The following TRIM36 variants were observed in gnomAD, a reference collection of about 807,000 sequenced individuals.
TRIM36 encodes E3 ubiquitin-protein ligase TRIM36.
A neutral mutation model predicts 72.4 loss-of-function variants in TRIM36; 42 were observed. The ratio of observed to expected loss-of-function variants is 0.58; its 90% CI spans 0.45 to 0.75. The LOEUF is 0.75. Ranked by LOEUF, TRIM36 falls within the 30% of genes least tolerant of loss-of-function variation. TRIM36 has a pLI of 0.00. For missense variants in TRIM36, 913 were observed against 857.1 expected (o/e 1.07, Z -0.81); for synonymous variants, 315 against 282.8 (o/e 1.11, Z -1.14).
At chr5:115,144,991 C>T (rs1217016000) in intron 3 of TRIM36, among the ~76,000 whole-genome samples, 1 of 152,102 alleles carries the variant, frequency 6.6e-6, no homozygotes, top group Admixed American at 6.6e-5. Context: ...TCTGAACATG[C>T]CTGATCTCGT....
chr5:115,135,348 A>G (rs1259853785), intron 7 of TRIM36, among the ~76,000 whole-genome samples: 1 of 152,192 alleles, frequency 6.6e-6, no homozygotes, highest in Non-Finnish European at 1.5e-5. Context: ...ACTGAATGTT[A>G]TGCAGCCATA....
intron 4 of TRIM36, 144 bp downstream of exon 4, chr5:115,144,454 A>G (rs1177694865): frequency 1.7e-5 from 16 of 966,670 alleles, no homozygotes; most frequent in African/African-American, 5.0e-5. Flanking sequence ...TAACAACCTA[A>G]TATTAGTAGA....
In TRIM36 at chr5:115,137,153, T is replaced by C. The variant is rs778713686; in HGVS notation, c.1086-29A>G. On this transcript the variant is annotated intron_variant, in intron 6 of 9. Coordinates refer to ENST00000513154, the MANE Select transcript of TRIM36 (RefSeq NM_001300759.2). ...CAGACAGATATTTTATATAAAAATGTTTCTTTAAGAAGTCAAATCAGACTA... is the reference window on the plus strand; with the variant it reads ...CAGACAGATATTTTATATAAAAATGCTTCTTTAAGAAGTCAAATCAGACTA... The C allele has an allele frequency of 1.0e-5, 16 of 1,547,262 alleles. No individual in the cohort carries two copies. The African/African-American group carries it at 1.4e-4, about 13-fold the overall frequency.
In TRIM36 at chr5:115,126,628, G is replaced by T. The variant is rs142451940; in HGVS notation, c.2026C>A (p.Leu676Ile). The T allele has an allele frequency of 5.0e-5, 80 of 1,614,026 alleles. No individual in the cohort carries two copies. In the African/African-American group the frequency reaches 1.0e-3, roughly 20 times the overall value. ...GAACAGTCCACTTGGCGTTCATAAA[G>T]GCATTTCATCTGATCCATATCATAG... The part of the protein sequence containing the change: ...DFYDMDQMKC[L>I]YERQVDCSHT... The change falls in exon 10 of 10, where the codon CTT (leucine) becomes ATT (isoleucine). Residue 676 changes from leucine to isoleucine, a missense_variant. Transcript: ENST00000513154.
chr5:115,164,479 T>G (rs1419763635), intron 1 of TRIM36, among the ~76,000 whole-genome samples: 1 of 152,196 alleles, frequency 6.6e-6, no homozygotes, highest in African/African-American at 2.4e-5. Context: ...CTTACAATCA[T>G]GGCAGAAGGG....
In TRIM36 at chr5:115,133,275, G is replaced by A. The variant is rs182370426; in HGVS notation, c.1498+585C>T. Among the ~76,000 whole-genome samples the A allele has an allele frequency of 3.0e-3, 456 of 152,226 alleles. 1 individual carries two copies. The highest frequency in any genetic ancestry group is 4.0e-3 in the Non-Finnish European group (274 of 68,018). ...TCACATTCTATAAAAATCTTTAGGC[G>A]CTCTATATGTAGTATCAGTGGTTTT... On this transcript the variant is annotated intron_variant, in intron 8 of 9. Coordinates refer to ENST00000513154, the MANE Select transcript of TRIM36 (RefSeq NM_001300759.2).
rs145387983 is a variant in TRIM36, at chr5:115,158,517, G to C, written c.262+5001C>G. ...TTGCATCCTCTCCCGTATTCTGGCT[G>C]CGACTTCCCCATCGCTATCCCTGGA... On this transcript the variant is annotated intron_variant, in intron 2 of 9. Transcript: ENST00000513154. Among the ~76,000 whole-genome samples, 681 of 152,334 alleles carry C rather than the reference G, an allele frequency of 4.5e-3. 6 individuals are homozygous for C. Among genetic ancestry groups the C allele is most frequent in the African/African-American group, 0.015 (636 of 41,576 alleles).
At chr5:115,156,422 T>C (rs188204226) in intron 2 of TRIM36, among the ~76,000 whole-genome samples, 4 of 152,296 alleles carry the variant, frequency 2.6e-5, no homozygotes, top group Admixed American at 2.0e-4. Context: ...AACTATACTG[T>C]AAGGCCATAG....
chr5:115,154,211 C>G (rs1030835754), intron 2 of TRIM36, among the ~76,000 whole-genome samples: 4 of 151,330 alleles, frequency 2.6e-5, no homozygotes, highest in African/African-American at 9.7e-5. Flanking sequence ...GTTCACAGCC[C>G]TAAACGCCTA....
At chr5:115,163,853 A>G in intron 1 of TRIM36, 101 bp from the exon 2 acceptor site, 1 of 969,424 alleles carries the variant, frequency 1.0e-6, no homozygotes, top group Admixed American at 2.8e-5. Context: ...TTCCAAAAAG[A>G]ATTAAGAAAA....
At chr5:115,142,373 C>T (rs984555263) in intron 4 of TRIM36, among the ~76,000 whole-genome samples, 6 of 152,144 alleles carry the variant, frequency 3.9e-5, no homozygotes, top group African/African-American at 1.4e-4. Flanking sequence ...AGTGGTGGTA[C>T]TCTTTTTTAA....
chr5:115,133,314 G>GT (rs1752789623), intron 8 of TRIM36, among the ~76,000 whole-genome samples: 2 of 152,168 alleles, frequency 1.3e-5, no homozygotes, highest in Non-Finnish European at 2.9e-5. Context: ...CTTGGGAAGG[G>GT]AGGGGGCGAT....
At chr5:115,171,285 C>T (rs1755107058), upstream of TRIM36, 2 of 1,596,102 alleles carry the variant, frequency 1.3e-6, no homozygotes, top group Non-Finnish European at 8.6e-7. Context: ...TAATGGAATA[C>T]CCTCCATTTA....
At chr5:115,177,564 G>T in intron 1 of TRIM36, 2 of 1,421,254 alleles carry the variant, frequency 1.4e-6, no homozygotes, top group South Asian at 1.5e-5. Context: ...AATATTCAGT[G>T]TTCAAATCCT....
At chr5:115,130,106 G>T (rs868337833) in intron 9 of TRIM36, among the ~76,000 whole-genome samples, 1 of 152,140 alleles carries the variant, frequency 6.6e-6, no homozygotes, top group African/African-American at 2.4e-5. Flanking sequence ...CCATCTAAAA[G>T]AACTGAACTG....
rs989222106 is a variant in TRIM36, at chr5:115,164,765, C to T, written c.28-1013G>A. 7.6e-4 allele frequency among the ~76,000 whole-genome samples: 115 copies of T among 152,186 alleles called. 1 individual carries two copies. Among genetic ancestry groups the T allele is most frequent in the Non-Finnish European group, 3.1e-4 (21 of 68,028 alleles). ...AAACCAATCATGCTTCCAAACAGTC[C>T]CCCAAAGTCTTAACTCATTTCAGCA... is the stretch of plus-strand genomic sequence containing the variant. On this transcript the variant is annotated intron_variant, in intron 1 of 9. Transcript: ENST00000513154.
intron 1 of TRIM36, among the ~76,000 whole-genome samples, chr5:115,175,145 A>G (rs1181359529): frequency 7.4e-6 from 1 of 135,598 alleles, no homozygotes; most frequent in African/African-American, 3.3e-5. Flanking sequence ...ATCACATTGC[A>G]CATATTCTAA....
chr5:115,137,353 AAG>A lies in TRIM36; in HGVS notation c.1085+8_1085+9del, dbSNP rs1426367484. 2 of 1,596,982 alleles carry A rather than the reference AAG, an allele frequency of 1.3e-6. No homozygotes were observed. ...CAATAGGTTCTAAAGTTAGAAGTAA[AAG>A]AGAATACCTGAGGTGGAGCTGCTTT... On this transcript the variant is annotated splice_region_variant and intron_variant, in intron 6 of 9. Transcript: ENST00000513154.
intron 4 of TRIM36, among the ~76,000 whole-genome samples, chr5:115,143,713 G>C (rs890498753): frequency 1.3e-5 from 2 of 152,258 alleles, no homozygotes; most frequent in South Asian, 4.1e-4. Context: ...AACAAAATGG[G>C]TAGTAGGTAC....
Sources: gnomAD v4.1 joint callset for allele counts (sites outside exome capture counted in the v4.1 genomes callset) on GRCh38, gnomAD v4.1.1 for gene constraint, MANE v1.5 for transcripts, NCBI Gene and HGNC (gene_info 2026-07-23, HGNC 2026-07-21) for gene names.